TRDMT1: variants seen among roughly 807,000 people sequenced by gnomAD.
TRDMT1 encodes the protein tRNA (cytosine(38)-C(5))-methyltransferase.
A neutral mutation model predicts 51.2 loss-of-function variants in TRDMT1; 49 were observed. That is an observed-to-expected ratio of 0.96 (90% CI 0.76 to 1.21). The LOEUF is 1.21. TRDMT1 is among the 50% of genes most tolerant of loss of function. The pLI, the probability that TRDMT1 is intolerant of heterozygous loss-of-function variation, is 0.00. For synonymous variants in TRDMT1, 187 were observed against 164.6 expected (o/e 1.14, Z -1.04); for missense variants, 534 against 462.3 (o/e 1.16, Z -1.42).
chr10:17,151,058 T>A (rs1279882888), intron 10 of TRDMT1: 7 of 939,560 alleles, frequency 7.5e-6, no homozygotes, highest in African/African-American at 1.8e-5. Context: ...TCTAAATTAT[T>A]AGGTTGGTGC....
At chr10:17,149,730 T>C (rs1012538272) in intron 10 of TRDMT1, among the ~76,000 whole-genome samples, 6 of 152,198 alleles carry the variant, frequency 3.9e-5, no homozygotes, top group African/African-American at 1.4e-4. Flanking sequence ...AATGGAGCCA[T>C]AAAATATGTT....
chr10:17,190,279 G>C (rs1025827356), intron 1 of TRDMT1, among the ~76,000 whole-genome samples: 1 of 151,958 alleles, frequency 6.6e-6, no homozygotes, highest in Admixed American at 6.6e-5. Context: ...ATTCTAAAAA[G>C]GTTCCAGACA....
At chr10:17,160,548 T>G (rs58585984) in intron 5 of TRDMT1, among the ~76,000 whole-genome samples, 174 bp from the exon 6 acceptor site, 3,624 of 152,236 alleles carry the variant, frequency 0.024, 136 homozygotes, top group African/African-American at 0.083. Flanking sequence ...CTCGGCTCAC[T>G]GCATCCTCCG....
intron 1 of TRDMT1, among the ~76,000 whole-genome samples, chr10:17,194,912 A>C (rs1845177364): frequency 6.7e-6 from 1 of 150,136 alleles, no homozygotes; most frequent in Non-Finnish European, 1.5e-5. Context: ...CAGCCTGTGC[A>C]ACAAAGCAAG....
chr10:17,163,677 A>C (rs1253456037), intron 3 of TRDMT1, among the ~76,000 whole-genome samples: 1 of 152,230 alleles, frequency 6.6e-6, no homozygotes, highest in African/African-American at 2.4e-5. Flanking sequence ...AAAAATGATA[A>C]AGGGGATATC....
intron 1 of TRDMT1, 148 bp from the exon 2 acceptor site, chr10:17,174,808 G>A (rs920142034): frequency 1.7e-5 from 11 of 634,746 alleles, no homozygotes; most frequent in Admixed American, 3.0e-5. Context: ...CAGGCCAGGG[G>A]AAGCCAGGCA....
chr10:17,181,429 G>A (rs1283701277), intron 1 of TRDMT1, among the ~76,000 whole-genome samples: 1 of 152,102 alleles, frequency 6.6e-6, no homozygotes, highest in Non-Finnish European at 1.5e-5. Context: ...ATTCATATGG[G>A]TACTCTCAGC....
rs893850172 is a variant in TRDMT1 at position 17,169,012 on chromosome 10, A to G, written c.175-95T>C. On this transcript the variant is annotated intron_variant, in intron 2 of 10. Transcript: ENST00000377799. ...CTAACTATAATTAAATATATCAGAA[A>G]CTGAAACAGTTTATAATACAATGCT... The G allele has an allele frequency of 6.1e-6, 5 of 816,702 alleles. No homozygotes were observed. The East Asian group carries it at 8.2e-5, about 13-fold the overall frequency. 50.6% of individuals were successfully genotyped at this position (816,702 alleles called of 1,614,324 possible).
intron 9 of TRDMT1, 87 bp from the exon 10 acceptor site, chr10:17,153,723 A>G: frequency 7.3e-7 from 1 of 1,372,418 alleles, no homozygotes; most frequent in Non-Finnish European, 9.8e-7. Context: ...AACTCGATGG[A>G]CATACAGTCT....
chr10:17,168,778 G>C (rs1841565412), intron 3 of TRDMT1, 63 bp downstream of exon 3: 1 of 1,196,876 alleles, frequency 8.4e-7, no homozygotes, highest in Non-Finnish European at 1.2e-6. Context: ...CCAGTCTCAG[G>C]TATGTCTTTA....
chr10:17,145,579 G>A lies in TRDMT1; in HGVS notation c.*3461C>T. ...GTGTCATAACTGGTGGCCTAAAACA[G>A]TTAGAATCCCAAGCCGAAGGCCAAA... On this transcript the variant is annotated 3_prime_UTR_variant, in exon 11 of 11. Coordinates refer to ENST00000377799, the MANE Select transcript of TRDMT1 (RefSeq NM_004412.7). The A allele has an allele frequency of 1.0e-6, 1 of 985,384 alleles. No homozygotes were observed. The highest frequency in any genetic ancestry group is 1.2e-6 in the Non-Finnish European group (1 of 829,918). The allele number at this position is 985,384 out of a possible 1,614,324, so 61.0% of individuals were successfully genotyped here.
chr10:17,161,464 G>T lies in TRDMT1; in HGVS notation c.389+19C>A. Reference sequence around the variant, plus strand: ...TATACCAAGTCTAAGATGTATGCAAGACAAATACATTTTTTTACCTTGTAG... The same window carrying T: ...TATACCAAGTCTAAGATGTATGCAATACAAATACATTTTTTTACCTTGTAG... On this transcript the variant is annotated intron_variant, in intron 5 of 10. Coordinates refer to ENST00000377799, the MANE Select transcript of TRDMT1 (RefSeq NM_004412.7). The T allele has an allele frequency of 7.3e-7, 1 of 1,365,006 alleles. No individual in the cohort carries two copies. The highest frequency in any genetic ancestry group is 1.4e-5 in the South Asian group (1 of 70,568). The allele number at this position is 1,365,006 out of a possible 1,614,324, so 84.6% of individuals were successfully genotyped here. A position where few individuals can be genotyped will look rare whatever the true frequency, so the allele number is the denominator to read the frequency against.
rs1252729419 is a variant in TRDMT1, at chr10:17,157,737, A to G, written c.591T>C (p.Tyr197=). The change falls in exon 8 of 11, where the codon TAT becomes TAC. Residue 197 remains tyrosine (Y), a synonymous_variant. Coordinates refer to ENST00000377799, the MANE Select transcript of TRDMT1 (RefSeq NM_004412.7). ...GAATTTTATTTTCTACATCCATTGCATATTTTTGTGGATGTACAGATTCAA... is the reference window on the plus strand; with the variant it reads ...GAATTTTATTTTCTACATCCATTGCGTATTTTTGTGGATGTACAGATTCAA... The part of the protein sequence containing the change: ...PKIESVHPQK[Y]AMDVENKIQE... 5 of 1,610,000 alleles carry G rather than the reference A, an allele frequency of 3.1e-6. No homozygotes were observed. Among genetic ancestry groups the G allele is most frequent in the Non-Finnish European group, 4.2e-6 (5 of 1,179,020 alleles).
intron 2 of TRDMT1, 62 bp downstream of exon 2, chr10:17,174,489 G>T (rs1842404495): frequency 1.8e-6 from 2 of 1,126,734 alleles, no homozygotes; most frequent in South Asian, 1.3e-5. Context: ...CCAGTATTAG[G>T]CAGTGTTTTT....
At chr10:17,165,213 C>T (rs1029263933) in intron 3 of TRDMT1, among the ~76,000 whole-genome samples, 1 of 152,014 alleles carries the variant, frequency 6.6e-6, no homozygotes, top group African/African-American at 2.4e-5. Context: ...AGAAATAATG[C>T]CACTTATCTA....
At chr10:17,186,059 A>G (rs1843858310) in intron 1 of TRDMT1, among the ~76,000 whole-genome samples, 1 of 150,230 alleles carries the variant, frequency 6.7e-6, no homozygotes, top group African/African-American at 2.5e-5. Context: ...TAATAAATAA[A>G]TAAATAAATA....
intron 4 of TRDMT1, 151 bp downstream of exon 4, chr10:17,162,015 T>C (rs995050819): frequency 1.4e-6 from 1 of 714,686 alleles, no homozygotes; most frequent in Non-Finnish European, 2.4e-6. Context: ...AGTTACTCTA[T>C]TAGTCATGGT....
intron 1 of TRDMT1, among the ~76,000 whole-genome samples, chr10:17,192,219 G>C (rs1035589789): frequency 1.3e-5 from 2 of 152,198 alleles, no homozygotes; most frequent in Admixed American, 6.5e-5. Flanking sequence ...GAAGAAACAA[G>C]ATGACTCCAA....
intron 8 of TRDMT1, among the ~76,000 whole-genome samples, chr10:17,155,804 A>G (rs1203289615): frequency 4.6e-5 from 7 of 152,216 alleles, no homozygotes; most frequent in African/African-American, 1.7e-4. Flanking sequence ...TTTCATATAT[A>G]TTACACATAT....
Sources: gnomAD v4.1 joint callset for allele counts (sites outside exome capture counted in the v4.1 genomes callset) on GRCh38, gnomAD v4.1.1 for gene constraint, MANE v1.5 for transcripts, NCBI Gene and HGNC (gene_info 2026-07-23, HGNC 2026-07-21) for gene names.